CDC73: variants seen among roughly 807,000 people sequenced by gnomAD.
The protein encoded by CDC73 is cell division cycle 73.
In CDC73, 21 loss-of-function variants were observed where a neutral mutation model predicts 83.7. That is an observed-to-expected ratio of 0.25 (90% CI 0.18 to 0.36). The LOEUF is 0.36. Among genes scored for constraint, CDC73 ranks in the 10% least tolerant of loss-of-function variants. CDC73 has a pLI of 1.00. For synonymous variants in CDC73, 224 were observed against 212.9 expected (o/e 1.05, Z -0.45); for missense variants, 342 against 653.3 (o/e 0.52, Z 5.19).
intron 13 of CDC73, among the ~76,000 whole-genome samples, chr1:193,228,412 G>A (rs556434455): frequency 6.6e-6 from 1 of 152,226 alleles, no homozygotes; most frequent in African/African-American, 2.4e-5. Flanking sequence ...CAAAGAGAGA[G>A]GACTCACACT....
intron 13 of CDC73, among the ~76,000 whole-genome samples, chr1:193,219,057 A>C (rs1677418566): frequency 6.6e-6 from 1 of 152,186 alleles, no homozygotes; most frequent in Non-Finnish European, 1.5e-5. Flanking sequence ...AGCATAAAAC[A>C]AACAGTCCTG....
rs950231584 is a variant in CDC73 at position 193,122,037 on chromosome 1, G to T, written c.-164G>T. ...GTCCTCGGCGGCCTGGGTGGCTACT[G>T]CCCCTGCTGCTGTCGTAGGCGAGGA... On this transcript the variant is annotated 5_prime_UTR_variant, in exon 1 of 17. Coordinates refer to ENST00000367435, the MANE Select transcript of CDC73 (RefSeq NM_024529.5). 8.1e-5 allele frequency: 54 copies of T among 665,596 alleles called. No individual in the cohort carries two copies. The highest frequency in any genetic ancestry group is 3.9e-4 in the Middle Eastern group (1 of 2,542). 41.2% of individuals were successfully genotyped at this position (665,596 alleles called of 1,614,324 possible). A position where few individuals can be genotyped will look rare whatever the true frequency, so the allele number is the denominator to read the frequency against.
intron 10 of CDC73, among the ~76,000 whole-genome samples, chr1:193,177,898 G>C (rs937241695): frequency 1.3e-5 from 2 of 152,132 alleles, no homozygotes; most frequent in African/African-American, 4.8e-5. Flanking sequence ...AAATAAATAA[G>C]TATTCTAAGT....
At position 193,135,499 on chromosome 1, in the gene CDC73, C is replaced by G. The variant is rs369812032; in HGVS notation, c.371-38C>G. 6 of 1,609,752 alleles carry G rather than the reference C, an allele frequency of 3.7e-6. No individual in the cohort carries two copies. In the African/African-American group the frequency reaches 8.0e-5, roughly 22 times the overall value. Reference sequence around the variant, plus strand: ...ATATTGAACTTTCAGAAGCCCATTCCAAAACTACACATTTATTTACTTCTC... The same window carrying G: ...ATATTGAACTTTCAGAAGCCCATTCGAAAACTACACATTTATTTACTTCTC... On this transcript the variant is annotated intron_variant, in intron 4 of 16. Coordinates refer to ENST00000367435, the MANE Select transcript of CDC73 (RefSeq NM_024529.5).
At chr1:193,247,760 A>G (rs1350915513) in intron 15 of CDC73, among the ~76,000 whole-genome samples, 1 of 152,152 alleles carries the variant, frequency 6.6e-6, no homozygotes, top group Non-Finnish European at 1.5e-5. Context: ...TATTCTGCTA[A>G]GCCAGAGCCT....
At chr1:193,204,209 ATATATATG>A (rs200568649) in intron 11 of CDC73, among the ~76,000 whole-genome samples, 1 of 14,704 alleles carries the variant, frequency 6.8e-5, no homozygotes, top group African/African-American at 3.0e-4. Context: ...ATATACGTGT[ATATATATG>A]TATATATATG....
chr1:193,207,178 A>G (rs1282981086), intron 11 of CDC73, among the ~76,000 whole-genome samples: 1 of 152,192 alleles, frequency 6.6e-6, no homozygotes, highest in Non-Finnish European at 1.5e-5. Flanking sequence ...AGTTTTTATT[A>G]GGGATTTTAA....
At chr1:193,187,447 A>G (rs1311335347) in intron 10 of CDC73, among the ~76,000 whole-genome samples, 3 of 152,192 alleles carry the variant, frequency 2.0e-5, no homozygotes, top group Non-Finnish European at 4.4e-5. Flanking sequence ...TATTAACACT[A>G]CACACTCACT....
At chr1:193,225,054 T>C (rs977162269) in intron 13 of CDC73, among the ~76,000 whole-genome samples, 1 of 151,582 alleles carries the variant, frequency 6.6e-6, no homozygotes, top group East Asian at 1.9e-4. Flanking sequence ...TCCCCCTGCA[T>C]CCCCAAAGTC....
intron 13 of CDC73, 92 bp from the exon 14 acceptor site, chr1:193,232,901 T>C: frequency 8.5e-7 from 1 of 1,171,896 alleles, no homozygotes; most frequent in East Asian, 2.6e-5. Context: ...AAACTCTGTC[T>C]CAAAAAAAAA....
intron 10 of CDC73, among the ~76,000 whole-genome samples, chr1:193,175,441 A>G (rs919014888): frequency 6.6e-6 from 1 of 152,230 alleles, no homozygotes; most frequent in Non-Finnish European, 1.5e-5. Flanking sequence ...GTTTTAGTTC[A>G]TATTAAGTGT....
At chr1:193,160,476 G>GT (rs1676289919) in intron 10 of CDC73, among the ~76,000 whole-genome samples, 1 of 152,000 alleles carries the variant, frequency 6.6e-6, no homozygotes, top group South Asian at 2.1e-4. Flanking sequence ...TTCTCTTATA[G>GT]TTTAGTATAT....
At chr1:193,205,236 G>C (rs925775663) in intron 11 of CDC73, among the ~76,000 whole-genome samples, 1 of 120,430 alleles carries the variant, frequency 8.3e-6, no homozygotes, top group Non-Finnish European at 1.6e-5. Flanking sequence ...CAGTGCTGTT[G>C]AAAGTGAGTA....
chr1:193,129,768 C>T (rs943579772), intron 2 of CDC73, among the ~76,000 whole-genome samples: 2 of 152,096 alleles, frequency 1.3e-5, no homozygotes, highest in Admixed American at 1.3e-4. Context: ...CCACCTCAGC[C>T]TCCCAAAGTG....
At chr1:193,173,009 T>C (rs1218086479) in intron 10 of CDC73, among the ~76,000 whole-genome samples, 1 of 152,190 alleles carries the variant, frequency 6.6e-6, no homozygotes, top group Non-Finnish European at 1.5e-5. Context: ...ATTCTTGCAG[T>C]CTTCCTGAGC....
intron 9 of CDC73, among the ~76,000 whole-genome samples, chr1:193,150,713 T>G (rs1676089979): frequency 6.6e-6 from 1 of 152,194 alleles, no homozygotes; most frequent in Admixed American, 6.5e-5. Flanking sequence ...TGGATCCAGA[T>G]AGCTTATGTC....
chr1:193,217,536 T>C (rs1342678508), intron 13 of CDC73, among the ~76,000 whole-genome samples: 1 of 152,034 alleles, frequency 6.6e-6, no homozygotes, highest in Non-Finnish European at 1.5e-5. Context: ...TGCCTGTTGG[T>C]GTGCTCTTGA....
chr1:193,144,146 A>G (rs1457149267), intron 7 of CDC73, among the ~76,000 whole-genome samples: 2 of 147,600 alleles, frequency 1.4e-5, no homozygotes, highest in African/African-American at 5.0e-5. Context: ...CATGAGAGGT[A>G]TAAATATGTT....
intron 13 of CDC73, among the ~76,000 whole-genome samples, chr1:193,229,716 C>T (rs1321196885): frequency 2.6e-5 from 4 of 152,182 alleles, no homozygotes; most frequent in African/African-American, 7.2e-5. Context: ...TAGAATTCTA[C>T]TTAACAATAA....
Sources: allele counts gnomAD v4.1 joint callset (sites outside exome capture counted in the v4.1 genomes callset), GRCh38; gene constraint gnomAD v4.1.1; transcripts MANE v1.5; gene names NCBI Gene and HGNC (gene_info 2026-07-23, HGNC 2026-07-21).